The following KLHL29 variants were observed in gnomAD, a reference collection of about 807,000 sequenced individuals.
KLHL29 encodes kelch like family member 29.
In KLHL29, 21 loss-of-function variants were observed where a neutral mutation model predicts 80.4. The observed-to-expected ratio is 0.26, with a 90% confidence interval of 0.19 to 0.38. The LOEUF (loss-of-function observed/expected upper bound fraction) is 0.38. KLHL29 is among the 10% of genes least tolerant of loss of function. The pLI, the probability that KLHL29 is intolerant of heterozygous loss-of-function variation, is 1.00. For synonymous variants in KLHL29, 511 were observed against 526.8 expected, an observed-to-expected ratio of 0.97 and a Z score of 0.41; for missense variants, 867 against 1,223.9, an observed-to-expected ratio of 0.71 and a Z score of 4.35.
At chr2:23,421,792 C>CTG (rs1248206774) in intron 1 of KLHL29, among the ~76,000 whole-genome samples, 1 of 149,434 alleles carries the variant, frequency 6.7e-6, no homozygotes, top group South Asian at 2.1e-4. Context: ...GTTCATACAT[C>CTG]TGTGTGTGTG....
intron 1 of KLHL29, among the ~76,000 whole-genome samples, chr2:23,393,412 C>T (rs533526552): frequency 1.3e-5 from 2 of 152,302 alleles, no homozygotes; most frequent in Non-Finnish European, 2.9e-5. Context: ...GGAGCTTCAT[C>T]GTTGCAGTGA....
chr2:23,468,369 G>A (rs1037124805), intron 1 of KLHL29, among the ~76,000 whole-genome samples: 34 of 152,186 alleles, frequency 2.2e-4, no homozygotes, highest in Admixed American at 1.6e-3. Context: ...CCAGGAGTGA[G>A]GCTACAGGAT....
At chr2:23,500,862 A>G (rs1489193909) in intron 2 of KLHL29, among the ~76,000 whole-genome samples, 1 of 152,188 alleles carries the variant, frequency 6.6e-6, no homozygotes, top group African/African-American at 2.4e-5. Flanking sequence ...AGTTCAGTTC[A>G]CGAGGTTGCA....
Position 23,695,958 on chromosome 2 carries a change from T to C in KLHL29, c.1749T>C (p.Ala583=). The C allele has an allele frequency of 1.9e-6, 3 of 1,551,292 alleles. No individual in the cohort carries two copies. The highest frequency in any genetic ancestry group is 2.6e-6 in the Non-Finnish European group (3 of 1,146,918). ...CCATCCATGTCCCTGCAGGTGTGGCTGAGGTCATCGTCTTGGTTGGGGGCC... is the reference window on the plus strand; with the variant it reads ...CCATCCATGTCCCTGCAGGTGTGGCCGAGGTCATCGTCTTGGTTGGGGGCC... The part of the protein sequence containing the change: ...RTRPRLSAGV[A]EVIVLVGGRQ... Residue 583 remains alanine, a synonymous_variant, in exon 10 of 14, where the codon GCT becomes GCC. Transcript: ENST00000486442. This position sits in a 1 kb window ranked among gnomAD's most constrained non-coding sequence, Gnocchi z 7.6.
At chr2:23,452,197 T>C (rs1430132654) in intron 1 of KLHL29, among the ~76,000 whole-genome samples, 1 of 151,718 alleles carries the variant, frequency 6.6e-6, no homozygotes, top group Non-Finnish European at 1.5e-5. Context: ...TTTTCTTTTT[T>C]TTTTTTTAGA....
intron 3 of KLHL29, among the ~76,000 whole-genome samples, chr2:23,573,975 C>T (rs751128448): frequency 6.6e-6 from 1 of 152,122 alleles, no homozygotes; most frequent in African/African-American, 2.4e-5. Flanking sequence ...TGTTGCTGGG[C>T]AGGCCTTGAA....
intron 2 of KLHL29, among the ~76,000 whole-genome samples, chr2:23,479,857 A>G (rs764228569): frequency 1.3e-5 from 2 of 152,040 alleles, no homozygotes; most frequent in Non-Finnish European, 2.9e-5. Flanking sequence ...TCTTTTCTCT[A>G]CAAGCCCGGC....
At chr2:23,489,081 C>A (rs952388413) in intron 2 of KLHL29, among the ~76,000 whole-genome samples, 2 of 152,108 alleles carry the variant, frequency 1.3e-5, no homozygotes, top group Non-Finnish European at 2.9e-5. Flanking sequence ...TAGTTTCCAA[C>A]CCCAGCAATA....
chr2:23,537,230 C>CTTCA (rs1666698692), intron 2 of KLHL29, among the ~76,000 whole-genome samples: 1 of 152,182 alleles, frequency 6.6e-6, no homozygotes, highest in South Asian at 2.1e-4. Context: ...CCTTCATGGG[C>CTTCA]AGTGCTGCCG....
intron 2 of KLHL29, among the ~76,000 whole-genome samples, chr2:23,549,787 CG>C (rs1371914090): frequency 2.6e-5 from 4 of 152,194 alleles, no homozygotes; most frequent in Admixed American, 1.3e-4. Flanking sequence ...TCCCCTCTGT[CG>C]GGGAGAGATG....
chr2:23,399,281 G>A (rs1486442622), intron 1 of KLHL29, among the ~76,000 whole-genome samples: 1 of 152,158 alleles, frequency 6.6e-6, no homozygotes, highest in Non-Finnish European at 1.5e-5. Flanking sequence ...TAGCTGGATT[G>A]CAGAGTTAAA....
intron 4 of KLHL29, among the ~76,000 whole-genome samples, chr2:23,639,745 T>C (rs997637076): frequency 6.6e-6 from 1 of 152,030 alleles, no homozygotes; most frequent in Non-Finnish European, 1.5e-5. Flanking sequence ...ATGAATGCCC[T>C]CTCTTTTATC....
chr2:23,683,251 G>A (rs937689014), intron 5 of KLHL29, among the ~76,000 whole-genome samples: 1 of 152,210 alleles, frequency 6.6e-6, no homozygotes, highest in African/African-American at 2.4e-5. Flanking sequence ...GCTCAGCTCT[G>A]CAGGCCACCC....
Position 23,684,290 on chromosome 2 carries a change from G to C in KLHL29, c.941-109G>C. The C allele has an allele frequency of 3.8e-6, 3 of 791,616 alleles. No homozygotes were observed. Among genetic ancestry groups the C allele is most frequent in the Non-Finnish European group, 5.4e-6 (3 of 556,692 alleles). 49.0% of individuals were successfully genotyped at this position (791,616 alleles called of 1,614,324 possible). A position where few individuals can be genotyped will look rare whatever the true frequency, so the allele number is the denominator to read the frequency against. ...CAGTCTTGCCAAGAAACAATATCAA[G>C]TATTTCCTATTTCTCTACTTCTTGA... On this transcript the variant is annotated intron_variant, in intron 5 of 13. Transcript: ENST00000486442. The surrounding 1 kb of genome is among the most constrained non-coding windows in gnomAD (Gnocchi z 4.4).
At chr2:23,581,193 C>T (rs184538647) in intron 3 of KLHL29, among the ~76,000 whole-genome samples, 2 of 152,120 alleles carry the variant, frequency 1.3e-5, no homozygotes, top group African/African-American at 4.8e-5. Context: ...GGAAGTCAGA[C>T]ACCCCTTGCA....
chr2:23,540,837 A>G (rs1666811934), intron 2 of KLHL29, among the ~76,000 whole-genome samples: 1 of 152,230 alleles, frequency 6.6e-6, no homozygotes, highest in Non-Finnish European at 1.5e-5. Flanking sequence ...GGCCAGGAGT[A>G]GGCCCTGCTT....
At chr2:23,599,481 A>G (rs1668513853) in intron 3 of KLHL29, among the ~76,000 whole-genome samples, 1 of 151,442 alleles carries the variant, frequency 6.6e-6, no homozygotes, top group Non-Finnish European at 1.5e-5. Flanking sequence ...AAAAATATAT[A>G]CCTAATATAA....
At position 23,473,939 on chromosome 2, in the gene KLHL29, C is replaced by G. The variant is rs568107052; in HGVS notation, c.-153-1621C>G. On this transcript the variant is annotated intron_variant, in intron 1 of 13. Coordinates refer to ENST00000486442, the MANE Select transcript of KLHL29 (RefSeq NM_052920.2). ...GAACACTTAGGGCCAGATGCCCACACGACCTACTCCTCATCTTGAAGTGTG... is the reference window on the plus strand; with the variant it reads ...GAACACTTAGGGCCAGATGCCCACAGGACCTACTCCTCATCTTGAAGTGTG... Among the ~76,000 whole-genome samples, 4 of 152,300 alleles carry G rather than the reference C, an allele frequency of 2.6e-5. No homozygotes were observed. The South Asian group carries it at 8.3e-4, about 32-fold the overall frequency.
chr2:23,388,989 CTTTTTTTTTT>C (rs10691490), intron 1 of KLHL29, among the ~76,000 whole-genome samples: 1 of 106,884 alleles, frequency 9.4e-6, no homozygotes, highest in Non-Finnish European at 1.9e-5. Context: ...CTTTCTTCTT[CTTTTTTTTTT>C]TTTTTTTTTT....
Sources: gnomAD v4.1 joint callset for allele counts (sites outside exome capture counted in the v4.1 genomes callset) on GRCh38, gnomAD v4.1.1 for gene constraint, Gnocchi (gnomAD v3.1) non-coding constraint, MANE v1.5 for transcripts, NCBI Gene and HGNC (gene_info 2026-07-23, HGNC 2026-07-21) for gene names.